SLC26A8: variants seen among roughly 807,000 people sequenced by gnomAD.
SLC26A8 encodes the protein solute carrier family 26 member 8, also known as testis anion transporter 1.
Under a neutral mutation model 105.0 loss-of-function variants are expected in SLC26A8, and 70 were observed. That is an observed-to-expected ratio of 0.67 (90% confidence interval 0.55 to 0.81). The LOEUF (loss-of-function observed/expected upper bound fraction) is 0.81. Ranked by LOEUF, SLC26A8 falls within the 40% of genes least tolerant of loss-of-function variation. The probability of loss-of-function intolerance (pLI) is 0.00; values close to 1 mark genes in which losing one functional copy is unlikely to be tolerated. For missense variants in SLC26A8, 998 were observed against 1,181.8 expected (o/e 0.84, Z 2.28); for synonymous variants, 415 against 438.3 (o/e 0.95, Z 0.66).
At chr6:35,978,261 G>T (rs888195386) in intron 8 of SLC26A8, among the ~76,000 whole-genome samples, 3 of 151,840 alleles carry the variant, frequency 2.0e-5, no homozygotes, top group Non-Finnish European at 4.4e-5. Flanking sequence ...GGTCAAGTGG[G>T]GTTTATCCCA....
chr6:36,012,230 TACC>T lies in SLC26A8; in HGVS notation c.328_328+2del, dbSNP rs745343916. 3.5e-5 allele frequency: 57 copies of T among 1,611,248 alleles called. No individual in the cohort carries two copies. The highest frequency in any genetic ancestry group is 4.4e-5 in the Non-Finnish European group (52 of 1,179,196). On this transcript the variant is annotated splice_donor_variant and coding_sequence_variant, in exon 3 of 20. Coordinates refer to ENST00000490799, the MANE Select transcript of SLC26A8 (RefSeq NM_052961.4). LOFTEE classifies it high-confidence loss of function. Reference sequence around the variant, plus strand: ...GGATGAACAGGCTTCATATCTTCCTTACCTTGGGGAACTTGCACAAGGCCAACA... The same window carrying T: ...GGATGAACAGGCTTCATATCTTCCTTTTGGGGAACTTGCACAAGGCCAACA...
At chr6:35,975,863 A>C (rs998537971) in intron 9 of SLC26A8, among the ~76,000 whole-genome samples, 4 of 146,968 alleles carry the variant, frequency 2.7e-5, no homozygotes, top group Non-Finnish European at 6.0e-5. Context: ...TGGTGAGCCG[A>C]GATTGCACCA....
intron 7 of SLC26A8, among the ~76,000 whole-genome samples, chr6:35,987,723 A>G (rs1773582431): frequency 6.6e-6 from 1 of 152,042 alleles, no homozygotes; most frequent in Non-Finnish European, 1.5e-5. Flanking sequence ...GGAGGAAAGA[A>G]GAGGGAACTT....
At chr6:35,991,301 G>C (rs756236563) in intron 7 of SLC26A8, among the ~76,000 whole-genome samples, 52 of 151,604 alleles carry the variant, frequency 3.4e-4, no homozygotes, top group Non-Finnish European at 5.1e-4. Flanking sequence ...CTACTCAGGA[G>C]GCTGAGGCAA....
At position 36,021,653 on chromosome 6, in the gene SLC26A8, C is replaced by T. The variant is rs556199661; in HGVS notation, c.-2-1944G>A. Among the ~76,000 whole-genome samples the T allele has an allele frequency of 3.3e-5, 5 of 152,146 alleles. No individual in the cohort carries two copies. In the East Asian group the frequency reaches 5.8e-4, roughly 18 times the overall value. On this transcript the variant is annotated intron_variant, in intron 1 of 19. Coordinates refer to ENST00000490799, the MANE Select transcript of SLC26A8 (RefSeq NM_052961.4). ...TTTTGCCATCGGTCAATGTGGGGCC[C>T]GGAATGGCTTAGATCTGATCTTTTC...
chr6:35,988,709 C>G (rs1384340844), intron 7 of SLC26A8, among the ~76,000 whole-genome samples: 1 of 151,994 alleles, frequency 6.6e-6, no homozygotes, highest in African/African-American at 2.4e-5. Flanking sequence ...CTGCTACTTA[C>G]TAATGACACA....
At chr6:35,982,885 C>A (rs891835075) in intron 7 of SLC26A8, among the ~76,000 whole-genome samples, 2 of 152,206 alleles carry the variant, frequency 1.3e-5, no homozygotes, top group African/African-American at 2.4e-5. Flanking sequence ...CTTTTCCCCC[C>A]TTTCACTTAC....
At chr6:35,983,027 T>C (rs1484442765) in intron 7 of SLC26A8, among the ~76,000 whole-genome samples, 1 of 152,248 alleles carries the variant, frequency 6.6e-6, no homozygotes, top group Non-Finnish European at 1.5e-5. Flanking sequence ...CCTCAATTCC[T>C]ATGTTTTAAA....
intron 14 of SLC26A8, chr6:35,960,492 C>A: frequency 4.5e-6 from 1 of 224,478 alleles, no homozygotes. Flanking sequence ...CCTGTCTTTA[C>A]TAAAATACAA....
chr6:36,017,780 T>C (rs907513950), intron 2 of SLC26A8, among the ~76,000 whole-genome samples: 4 of 152,264 alleles, frequency 2.6e-5, no homozygotes, highest in Admixed American at 2.0e-4. Context: ...CTGATAGAAA[T>C]TTAATATCCA....
In SLC26A8 at chr6:35,981,979, C is replaced by T; in HGVS notation, c.1025+142G>A. ...CAAGGAGTTGTCCCTAGCCCTTCTC[C>T]TTTCATGAACCTCTGTGTTCAAAAA... is the stretch of plus-strand genomic sequence containing the variant. On this transcript the variant is annotated intron_variant, in intron 8 of 19. Coordinates refer to ENST00000490799, the MANE Select transcript of SLC26A8 (RefSeq NM_052961.4). This position sits in a 1 kb window ranked among gnomAD's most constrained non-coding sequence, Gnocchi z 4.0. 1.3e-6 allele frequency: 1 copy of T among 776,854 alleles called. No individual in the cohort carries two copies. Among genetic ancestry groups the T allele is most frequent in the Admixed American group, 2.5e-5 (1 of 39,696 alleles). 48.1% of individuals were successfully genotyped at this position (776,854 alleles called of 1,614,324 possible).
intron 11 of SLC26A8, among the ~76,000 whole-genome samples, chr6:35,964,092 C>T (rs1046831773): frequency 1.3e-5 from 2 of 151,918 alleles, no homozygotes; most frequent in African/African-American, 4.8e-5. Flanking sequence ...AACTACAGTC[C>T]CAGCTACTCA....
intron 12 of SLC26A8, 103 bp from the exon 13 acceptor site, chr6:35,961,202 C>T: frequency 4.5e-6 from 4 of 884,596 alleles, no homozygotes; most frequent in East Asian, 2.6e-5. Flanking sequence ...TCCCTTACTA[C>T]ACCTGGGCTT....
intron 19 of SLC26A8, 104 bp from the exon 20 acceptor site, chr6:35,944,444 G>C (rs891360849): frequency 7.9e-6 from 6 of 757,152 alleles, no homozygotes; most frequent in African/African-American, 1.8e-5. Flanking sequence ...GCTGGGGCAG[G>C]AGAATCGCTT....
chr6:35,985,113 T>C (rs1253706120), intron 7 of SLC26A8, among the ~76,000 whole-genome samples: 1 of 152,166 alleles, frequency 6.6e-6, no homozygotes, highest in African/African-American at 2.4e-5. Context: ...AGAAAAATTT[T>C]AAATCTGCCT....
chr6:36,009,711 G>A (rs1335156707), intron 3 of SLC26A8, among the ~76,000 whole-genome samples: 1 of 152,178 alleles, frequency 6.6e-6, no homozygotes. Context: ...CAGGAGGCAG[G>A]TAGTGGTGGC....
intron 15 of SLC26A8, 61 bp from the exon 16 acceptor site, chr6:35,959,652 G>C (rs1421055305): frequency 6.2e-7 from 1 of 1,607,632 alleles, no homozygotes; most frequent in Non-Finnish European, 8.5e-7. Flanking sequence ...TGAAAGAGTG[G>C]GAGAGAGATG....
At chr6:36,016,967 T>C (rs576454806) in intron 2 of SLC26A8, among the ~76,000 whole-genome samples, 19 of 152,162 alleles carry the variant, frequency 1.2e-4, no homozygotes, top group African/African-American at 4.6e-4. Flanking sequence ...AGGTCAGGAA[T>C]TTGAGACCAG....
intron 19 of SLC26A8, 61 bp downstream of exon 19, chr6:35,951,102 C>CCCAAACCCCCACAGCCCACAAAA: frequency 7.4e-7 from 1 of 1,356,462 alleles, no homozygotes; most frequent in Non-Finnish European, 1.0e-6. Context: ...CCACCCCTCA[C>CCCAAACCCCCACAGCCCACAAAA]CCATCCCCCC....
Sources: allele counts gnomAD v4.1 joint callset (sites outside exome capture counted in the v4.1 genomes callset), GRCh38; gene constraint gnomAD v4.1.1; non-coding constraint Gnocchi (gnomAD v3.1); transcripts MANE v1.5; gene names NCBI Gene and HGNC (gene_info 2026-07-23, HGNC 2026-07-21).